Variants in GLI3 observed in about 807,000 individuals in gnomAD.
GLI3 encodes the protein transcription activator GLI3.
GLI3 carries 20 observed loss-of-function variants against 100.8 expected under a neutral mutation model. The observed-to-expected ratio is 0.20, with a 90% CI of 0.14 to 0.29. The LOEUF is 0.29. Among genes scored for constraint, GLI3 ranks in the 10% least tolerant of loss-of-function variants. GLI3 has a pLI of 1.00. For synonymous variants in GLI3, 938 were observed against 860.5 expected (o/e 1.09, Z -1.58); for missense variants, 2,040 against 2,128.5 (o/e 0.96, Z 0.82).
In GLI3 at chr7:42,257,701, T is replaced by G. The variant is rs565116755; in HGVS notation, c.-43+6293A>C. Among the ~76,000 whole-genome samples the G allele has an allele frequency of 2.1e-3, 327 of 152,272 alleles. 3 individuals are homozygous for G. The highest frequency in any genetic ancestry group is 6.8e-3 in the Middle Eastern group (2 of 294). On this transcript the variant is annotated intron_variant, in intron 1 of 2. Coordinates refer to the GLI3 transcript ENST00000678978. ...GATGTGGATATTTCACAGATTCCCT[T>G]TATCAGAATCTATAAATCTATTCTT... is the stretch of plus-strand genomic sequence containing the variant.
Position 42,026,435 on chromosome 7 carries a change from G to T in GLI3, c.1029-23C>A, listed in dbSNP as rs776747343. On this transcript the variant is annotated intron_variant, in intron 7 of 14. Coordinates refer to ENST00000395925, the MANE Select transcript of GLI3 (RefSeq NM_000168.6). Reference sequence around the variant, plus strand: ...GGGCTGCACGGGGGAGATAAAAAAAGACGATCATCACTTAAACGCTGAGCT... The same window carrying T: ...GGGCTGCACGGGGGAGATAAAAAAATACGATCATCACTTAAACGCTGAGCT... 2.5e-6 allele frequency: 4 copies of T among 1,574,368 alleles called. No homozygotes were observed. The East Asian group carries it at 9.0e-5, about 35-fold the overall frequency.
chr7:42,023,502 G>C lies in GLI3; in HGVS notation c.1463C>G (p.Ala488Gly), dbSNP rs750911975. The change falls in exon 10 of 15, where the codon GCG becomes GGG. Residue 488 changes from alanine (A) to glycine (G), a missense_variant. Around this residue, in one of 5 missense-constraint regions of GLI3, gnomAD observed 603 missense variants for 690.9 expected, o/e 0.87. Coordinates refer to ENST00000395925, the MANE Select transcript of GLI3 (RefSeq NM_000168.6). ...CTGCTCTTGGGTGTCGAACTCCCTC[G>C]CGCAGCCTTCCCAGTGGCAGTTTGT... ...YETNCHWEGCAREFDTQEQLV... is the reference protein window; with the variant it reads ...YETNCHWEGCGREFDTQEQLV... 8 of 1,614,024 alleles carry C rather than the reference G, an allele frequency of 5.0e-6. No homozygotes were observed. Among genetic ancestry groups the C allele is most frequent in the Non-Finnish European group, 5.1e-6 (6 of 1,179,986 alleles).
At chr7:42,091,695 C>T (rs1785222984) in intron 3 of GLI3, among the ~76,000 whole-genome samples, 1 of 152,216 alleles carries the variant, frequency 6.6e-6, no homozygotes, top group Non-Finnish European at 1.5e-5. Flanking sequence ...CAGAGGAATT[C>T]CCAGGCCAGC....
intron 2 of GLI3, among the ~76,000 whole-genome samples, chr7:42,170,528 G>T (rs377275381): frequency 8.1e-5 from 12 of 148,066 alleles, no homozygotes; most frequent in African/African-American, 2.7e-4. Context: ...TCAGCCTCCC[G>T]AGTAGCTGGG....
At chr7:42,182,670 A>ATATATATACACATGTGTG (rs1346608746) in intron 2 of GLI3, among the ~76,000 whole-genome samples, 1 of 73,340 alleles carries the variant, frequency 1.4e-5, no homozygotes, top group African/African-American at 6.1e-5. Context: ...ATATATATAT[A>ATATATATACACATGTGTG]TATATATATA....
At chr7:42,012,081 G>A (rs1308699991) in intron 10 of GLI3, among the ~76,000 whole-genome samples, 1 of 152,180 alleles carries the variant, frequency 6.6e-6, no homozygotes, top group Non-Finnish European at 1.5e-5. Flanking sequence ...ATGAGCCCAA[G>A]TGTCAGCGCA....
At chr7:41,986,106 G>A (rs1475635291) in intron 10 of GLI3, among the ~76,000 whole-genome samples, 1 of 152,098 alleles carries the variant, frequency 6.6e-6, no homozygotes, top group East Asian at 1.9e-4. Context: ...AAGACTTTGG[G>A]TACAAACCAG....
chr7:42,013,522 T>G (rs781223843), intron 10 of GLI3, among the ~76,000 whole-genome samples: 3 of 152,066 alleles, frequency 2.0e-5, no homozygotes, highest in Non-Finnish European at 4.4e-5. Flanking sequence ...CCTCACCATG[T>G]TCGGCTAAAT....
chr7:41,971,963 G>T (rs1013413260), intron 13 of GLI3, among the ~76,000 whole-genome samples: 2 of 152,176 alleles, frequency 1.3e-5, no homozygotes, highest in Non-Finnish European at 2.9e-5. Context: ...AACTCCTAAA[G>T]AATATGGGCC....
At chr7:42,110,259 T>G (rs1415837027) in intron 3 of GLI3, among the ~76,000 whole-genome samples, 1 of 152,234 alleles carries the variant, frequency 6.6e-6, no homozygotes. Context: ...ATAGTAGAAT[T>G]CAATTTTAAA....
At chr7:42,063,539 G>A (rs1318481799) in intron 4 of GLI3, among the ~76,000 whole-genome samples, 2 of 152,078 alleles carry the variant, frequency 1.3e-5, no homozygotes. Flanking sequence ...AAAGATACCT[G>A]GAACTTCCTC....
intron 3 of GLI3, among the ~76,000 whole-genome samples, chr7:42,083,035 G>A (rs555167962): frequency 3.3e-5 from 5 of 152,242 alleles, no homozygotes; most frequent in East Asian, 1.9e-4. Flanking sequence ...TTTATTATGC[G>A]TGCTATAAAC....
chr7:42,026,259 T>C lies in GLI3; in HGVS notation c.1182A>G (p.Pro394=), dbSNP rs748606221. 121 of 1,614,020 alleles carry C rather than the reference T, an allele frequency of 7.5e-5. No homozygotes were observed. The Middle Eastern group carries it at 2.3e-3, about 31-fold the overall frequency. ...APTFPTQRPI[P]GIPTVLNPVQ... ...CGGGGTTCAGAACCGTAGGGATCCC[T>C]GGAATAGGCCTCTGTGTTGGAAAAG... Residue 394 remains proline, a synonymous_variant, in exon 8 of 15, where the codon CCA becomes CCG. Transcript: ENST00000395925.
upstream of GLI3, among the ~76,000 whole-genome samples, chr7:42,240,863 A>C (rs1295017405): frequency 1.3e-5 from 2 of 152,196 alleles, no homozygotes; most frequent in Non-Finnish European, 2.9e-5. Context: ...GAACCTGGAA[A>C]CAAACTTCAC....
rs528982661 is a variant in GLI3 at position 42,043,455 on chromosome 7, A to T, written c.826+1929T>A. Among the ~76,000 whole-genome samples the T allele has an allele frequency of 2.6e-5, 4 of 152,342 alleles. No homozygotes were observed. The South Asian group carries it at 8.3e-4, about 32-fold the overall frequency. On this transcript the variant is annotated intron_variant, in intron 6 of 14. Coordinates refer to ENST00000395925, the MANE Select transcript of GLI3 (RefSeq NM_000168.6). ...GCATTTTCAGAACAGCCAAAAGAGA[A>T]GTAGCCCAGTTCTTCACTGATCATA... is the stretch of plus-strand genomic sequence containing the variant.
chr7:42,223,643 A>C (rs191748090), intron 1 of GLI3, among the ~76,000 whole-genome samples: 66 of 152,348 alleles, frequency 4.3e-4, no homozygotes, highest in African/African-American at 1.5e-3. Context: ...CCACGTCTGC[A>C]AATGTCTCTT....
At chr7:42,204,453 T>C (rs117328965) in intron 2 of GLI3, among the ~76,000 whole-genome samples, 3,569 of 152,318 alleles carry the variant, frequency 0.023, 61 homozygotes, top group South Asian at 0.043. Context: ...TCATACTCTA[T>C]AGATGTTGTT....
chr7:42,190,468 T>A (rs1452574341), intron 2 of GLI3, among the ~76,000 whole-genome samples: 1 of 152,208 alleles, frequency 6.6e-6, no homozygotes. Flanking sequence ...TGATTAAATA[T>A]AAGTGACCAG....
intron 3 of GLI3, among the ~76,000 whole-genome samples, chr7:42,123,340 A>C (rs1311830162): frequency 6.6e-6 from 1 of 152,232 alleles, no homozygotes; most frequent in Non-Finnish European, 1.5e-5. Flanking sequence ...ATGATAGAAA[A>C]CTAATTCACA....
Sources: gnomAD v4.1 joint callset for allele counts (sites outside exome capture counted in the v4.1 genomes callset) on GRCh38, gnomAD v4.1.1 for gene constraint, gnomAD v4.1.1 regional missense constraint, MANE v1.5 for transcripts, NCBI Gene and HGNC (gene_info 2026-07-23, HGNC 2026-07-21) for gene names.